The following MOB3A variants were observed in gnomAD, a reference collection of about 807,000 sequenced individuals.
MOB3A encodes the protein MOB kinase activator 3A, also known as MOB LAK.
In MOB3A, 17 loss-of-function variants were observed where a neutral mutation model predicts 17.8. That is an observed-to-expected ratio of 0.95 (90% CI 0.65 to 1.43). The LOEUF is 1.43. Among genes scored for constraint, MOB3A ranks in the 40% most tolerant of loss-of-function variants. The probability of loss-of-function intolerance (pLI) is 0.00; values close to 1 mark genes in which losing one functional copy is unlikely to be tolerated. For missense variants in MOB3A, 333 were observed against 310.8 expected, an observed-to-expected ratio of 1.07 and a Z score of -0.54; for synonymous variants, 124 against 133.2, an observed-to-expected ratio of 0.93 and a Z score of 0.48.
chr19:2,088,003 C>T lies in MOB3A; in HGVS notation c.-273-2675G>A, dbSNP rs570818861. On this transcript the variant is annotated intron_variant, in intron 1 of 4. Coordinates refer to ENST00000357066, the MANE Select transcript of MOB3A (RefSeq NM_130807.3). ...GGGAGCCAGGGGCCCACCCCAGTCT[C>T]GCCTCCTCGTGGCCACTGTGAAGAG... Among the ~76,000 whole-genome samples the T allele has an allele frequency of 3.9e-5, 6 of 152,278 alleles. No homozygotes were observed. The South Asian group carries it at 6.2e-4, about 16-fold the overall frequency.
intron 1 of MOB3A, among the ~76,000 whole-genome samples, chr19:2,090,363 G>A (rs1394770229): frequency 6.6e-6 from 1 of 152,158 alleles, no homozygotes; most frequent in East Asian, 1.9e-4. Flanking sequence ...GTCAGGGATA[G>A]ACCACCCTGC....
chr19:2,090,638 G>A (rs139783609), intron 1 of MOB3A, among the ~76,000 whole-genome samples: 58 of 152,080 alleles, frequency 3.8e-4, no homozygotes, highest in African/African-American at 1.4e-3. Flanking sequence ...AATGAAATAC[G>A]ACATTAAACA....
At chr19:2,084,155 C>T (rs757440594) in intron 2 of MOB3A, 50 of 500,892 alleles carry the variant, frequency 1.0e-4, no homozygotes, top group African/African-American at 4.5e-4. Flanking sequence ...CAGGGCAGCC[C>T]GAGGAGCTTG....
chr19:2,088,028 G>A (rs1458067289), intron 1 of MOB3A, among the ~76,000 whole-genome samples: 2 of 152,164 alleles, frequency 1.3e-5, no homozygotes, highest in Non-Finnish European at 2.9e-5. Flanking sequence ...ACTGTGAAGA[G>A]CTCTCAGCCA....
At position 2,076,581 on chromosome 19, in the gene MOB3A, G is replaced by A. The variant is rs1362395161; in HGVS notation, c.624+230C>T. Reference sequence around the variant, plus strand: ...GAGTGAGCTGGACGCGGGGCGGCGCGGAGGAAACTGCACCTGTCGCCGGCA... The same window carrying A: ...GAGTGAGCTGGACGCGGGGCGGCGCAGAGGAAACTGCACCTGTCGCCGGCA... On this transcript the variant is annotated intron_variant, in intron 4 of 4. Coordinates refer to ENST00000357066, the MANE Select transcript of MOB3A (RefSeq NM_130807.3). 4.6e-5 allele frequency among the ~76,000 whole-genome samples: 7 copies of A among 152,240 alleles called. No homozygotes were observed. The East Asian group carries it at 7.7e-4, about 17-fold the overall frequency.
In MOB3A at chr19:2,093,694, A is replaced by G. The variant is rs1418917889; in HGVS notation, c.-274+2532T>C. 6.6e-6 allele frequency among the ~76,000 whole-genome samples: 1 copy of G among 152,212 alleles called. No individual in the cohort carries two copies. The highest frequency in any genetic ancestry group is 1.5e-5 in the Non-Finnish European group (1 of 68,044). Reference sequence around the variant, plus strand: ...GCCACATTGCAAGGCCTCCACAGCCACAGGTAGTAAGCTCAGCTCCAGAGT... The same window carrying G: ...GCCACATTGCAAGGCCTCCACAGCCGCAGGTAGTAAGCTCAGCTCCAGAGT... On this transcript the variant is annotated intron_variant, in intron 1 of 4. Transcript: ENST00000357066. The surrounding 1 kb of genome is among the most constrained non-coding windows in gnomAD (Gnocchi z 4.6).
In MOB3A at chr19:2,075,518, C is replaced by T. The variant is rs529709555; in HGVS notation, c.624+1293G>A. 7.2e-5 allele frequency among the ~76,000 whole-genome samples: 11 copies of T among 152,234 alleles called. No individual in the cohort carries two copies. In the East Asian group the frequency reaches 1.9e-3, roughly 27 times the overall value. ...CGTGCTGGCTGTGGTCCCAGCTACT[C>T]GGAGGCTGGTGGGGTCCCGCTCTCA... On this transcript the variant is annotated intron_variant, in intron 4 of 4. Coordinates refer to ENST00000357066, the MANE Select transcript of MOB3A (RefSeq NM_130807.3).
chr19:2,077,270 C>T (rs1179765365), intron 3 of MOB3A, among the ~76,000 whole-genome samples: 2 of 152,064 alleles, frequency 1.3e-5, no homozygotes, highest in Non-Finnish European at 2.9e-5. Flanking sequence ...GGTGTGGTGG[C>T]TCATGCCTGT....
chr19:2,075,155 A>G (rs2145717593), intron 4 of MOB3A, among the ~76,000 whole-genome samples: 1 of 151,608 alleles, frequency 6.6e-6, no homozygotes, highest in East Asian at 1.9e-4. Flanking sequence ...CAGCCCCCTG[A>G]GTAGCTAGGA....
rs115059149 is a variant in MOB3A, at chr19:2,078,597, G to T, written c.-37C>A. 23,607 of 1,524,144 alleles carry T rather than the reference G, an allele frequency of 0.015. 289 individuals carry two copies. Among genetic ancestry groups the T allele is most frequent in the Middle Eastern group, 0.06 (340 of 5,624 alleles). 94.4% of individuals were successfully genotyped at this position (1,524,144 alleles called of 1,614,324 possible). A position where few individuals can be genotyped will look rare whatever the true frequency, so the allele number is the denominator to read the frequency against. ...CTGCTCTCCTGGACTTCTGTAGAGG[G>T]GTCCTGGGCCAGCTGGCTGGGGGTG... On this transcript the variant is annotated 5_prime_UTR_variant, in exon 3 of 5. Transcript: ENST00000357066.
intron 2 of MOB3A, among the ~76,000 whole-genome samples, chr19:2,080,221 G>A (rs140980784): frequency 6.6e-6 from 1 of 152,242 alleles, no homozygotes; most frequent in Non-Finnish European, 1.5e-5. Flanking sequence ...GCTGGGCAGG[G>A]CGGGGGTCCT....
intron 2 of MOB3A, among the ~76,000 whole-genome samples, chr19:2,081,813 G>A (rs917773057): frequency 6.6e-6 from 1 of 152,232 alleles, no homozygotes; most frequent in African/African-American, 2.4e-5. Context: ...GAACCTGGGA[G>A]GCAGAGGTTG....
At chr19:2,085,140 G>A (rs914755459) in intron 2 of MOB3A, 35 bp downstream of exon 2, 18 of 152,128 alleles carry the variant, frequency 1.2e-4, no homozygotes, top group African/African-American at 3.6e-4. Flanking sequence ...CCTGACTCCC[G>A]CCCTCGTTGT....
chr19:2,075,954 C>G (rs767264790), intron 4 of MOB3A, among the ~76,000 whole-genome samples: 75 of 151,970 alleles, frequency 4.9e-4, no homozygotes, highest in Admixed American at 2.1e-3. Context: ...AAAACCTGGT[C>G]TCTACTAAAA....
intron 4 of MOB3A, 33 bp from the exon 5 acceptor site, chr19:2,073,457 C>A (rs1194975126): frequency 6.2e-7 from 1 of 1,613,750 alleles, no homozygotes; most frequent in South Asian, 1.1e-5. Context: ...CAGCTCCCAC[C>A]AGCCACTCCT....
intron 1 of MOB3A, among the ~76,000 whole-genome samples, chr19:2,087,440 G>A (rs1009985340): frequency 1.3e-5 from 2 of 152,174 alleles, no homozygotes; most frequent in African/African-American, 4.8e-5. Context: ...ACTGCTTGAG[G>A]CCAGGAGCTC....
At chr19:2,074,404 G>T (rs2017377968) in intron 4 of MOB3A, among the ~76,000 whole-genome samples, 1 of 151,606 alleles carries the variant, frequency 6.6e-6, no homozygotes, top group Admixed American at 6.6e-5. Flanking sequence ...AAAAAGAAAA[G>T]AAAAAGAAAG....
rs1366250937 is a variant in MOB3A, at chr19:2,071,688, G to A, written c.*1707C>T. On this transcript the variant is annotated 3_prime_UTR_variant, in exon 5 of 5. Coordinates refer to ENST00000357066, the MANE Select transcript of MOB3A (RefSeq NM_130807.3). ...GGGTACACAGAACTCATGGATTTTG[G>A]TCTCGCAGCCCCAGGGGCCACACAG... The A allele has an allele frequency of 6.6e-6, 1 of 152,260 alleles. No individual in the cohort carries two copies. Among genetic ancestry groups the A allele is most frequent in the African/African-American group, 2.4e-5 (1 of 41,434 alleles). The allele number at this position is 152,260 out of a possible 1,614,324, so 9.4% of individuals were successfully genotyped here.
At position 2,082,517 on chromosome 19, in the gene MOB3A, C is replaced by G. The variant is rs968449561; in HGVS notation, c.-120+2658G>C. On this transcript the variant is annotated intron_variant, in intron 2 of 4. Coordinates refer to ENST00000357066, the MANE Select transcript of MOB3A (RefSeq NM_130807.3). This position sits in a 1 kb window ranked among gnomAD's most constrained non-coding sequence, Gnocchi z 4.1. ...GCTAGTGGGTGGATCGGCTGGGGCT[C>G]GAACCCTGGACTCTGTGGGTGGATC... Among the ~76,000 whole-genome samples, 1 of 152,120 alleles carries G rather than the reference C, an allele frequency of 6.6e-6. No individual in the cohort carries two copies. The highest frequency in any genetic ancestry group is 1.5e-5 in the Non-Finnish European group (1 of 68,022).
Sources: allele counts gnomAD v4.1 joint callset (sites outside exome capture counted in the v4.1 genomes callset), GRCh38; gene constraint gnomAD v4.1.1; non-coding constraint Gnocchi (gnomAD v3.1); transcripts MANE v1.5; gene names NCBI Gene and HGNC (gene_info 2026-07-23, HGNC 2026-07-21).